The following CFAP299 variants were observed in gnomAD, a reference collection of about 807,000 sequenced individuals.
The protein encoded by CFAP299 is cilia- and flagella-associated protein 299.
CFAP299 carries 21 observed loss-of-function variants against 27.0 expected under a neutral mutation model. The ratio of observed to expected loss-of-function variants is 0.78; its 90% CI spans 0.55 to 1.12. The LOEUF is 1.12. CFAP299 is among the 50% of genes most tolerant of loss of function. The pLI is 0.00. For missense variants in CFAP299, 310 were observed against 276.6 expected (o/e 1.12, Z -0.86); for synonymous variants, 104 against 98.1 (o/e 1.06, Z -0.36).
intron 3 of CFAP299, among the ~76,000 whole-genome samples, chr4:80,684,391 GTAGCCGGGAC>G (rs1445436445): frequency 1.3e-5 from 2 of 152,016 alleles, no homozygotes; most frequent in African/African-American, 4.8e-5. Context: ...AGCCTCCTGA[GTAGCCGGGAC>G]TATAGGCGCC....
intron 2 of CFAP299, among the ~76,000 whole-genome samples, chr4:80,466,065 T>G (rs929615547): frequency 6.6e-6 from 1 of 152,246 alleles, no homozygotes; most frequent in African/African-American, 2.4e-5. Flanking sequence ...TTCTAGGTTT[T>G]CAGGCTCCTG....
intron 3 of CFAP299, among the ~76,000 whole-genome samples, chr4:80,763,378 C>G (rs913731712): frequency 6.6e-6 from 1 of 152,040 alleles, no homozygotes; most frequent in Non-Finnish European, 1.5e-5. Context: ...AATAAAATAC[C>G]TAGAAACACA....
At position 80,544,100 on chromosome 4, in the gene CFAP299, A is replaced by G. The variant is rs559188154; in HGVS notation, c.243-38993A>G. ...CCGACCAAGAATTTCATATTCTGCC[A>G]AACCAAACTTTATAAGCAAAGGAGA... On this transcript the variant is annotated intron_variant, in intron 2 of 5. Coordinates refer to ENST00000358105, the MANE Select transcript of CFAP299 (RefSeq NM_152770.3). 1.5e-4 allele frequency among the ~76,000 whole-genome samples: 23 copies of G among 152,332 alleles called. No homozygotes were observed. In the South Asian group the frequency reaches 4.6e-3, roughly 30 times the overall value.
intron 3 of CFAP299, among the ~76,000 whole-genome samples, chr4:80,740,208 A>G (rs1375693437): frequency 6.6e-6 from 1 of 152,134 alleles, no homozygotes; most frequent in African/African-American, 2.4e-5. Flanking sequence ...TATGGTGTTG[A>G]CACTTGTAAA....
intron 2 of CFAP299, among the ~76,000 whole-genome samples, chr4:80,400,139 A>G (rs1299705688): frequency 1.3e-5 from 2 of 152,148 alleles, no homozygotes; most frequent in African/African-American, 2.4e-5. Context: ...ATGCAATTAG[A>G]TATATAAAGT....
intron 3 of CFAP299, among the ~76,000 whole-genome samples, chr4:80,833,566 G>T: frequency 6.6e-6 from 1 of 152,096 alleles, no homozygotes; most frequent in Non-Finnish European, 1.5e-5. Flanking sequence ...GCTCTAAAAA[G>T]CTTAATAAGG....
intron 4 of CFAP299, among the ~76,000 whole-genome samples, chr4:80,923,066 A>G (rs1000450545): frequency 2.6e-5 from 4 of 151,982 alleles, no homozygotes; most frequent in Non-Finnish European, 5.9e-5. Context: ...GAACTGTAAA[A>G]TGTTTACATT....
intron 2 of CFAP299, among the ~76,000 whole-genome samples, chr4:80,514,713 C>T (rs1044229738): frequency 3.3e-5 from 5 of 151,966 alleles, no homozygotes; most frequent in African/African-American, 1.2e-4. Context: ...CTGGTTTTAC[C>T]TGCTCTTTGA....
intron 4 of CFAP299, among the ~76,000 whole-genome samples, chr4:80,902,811 T>G (rs1183268825): frequency 6.6e-6 from 1 of 151,878 alleles, no homozygotes; most frequent in Non-Finnish European, 1.5e-5. Context: ...GTTTTATAAC[T>G]GTTCCAATCA....
chr4:80,374,332 C>A (rs1724298136), intron 2 of CFAP299, among the ~76,000 whole-genome samples: 1 of 152,000 alleles, frequency 6.6e-6, no homozygotes, highest in Non-Finnish European at 1.5e-5. Context: ...CCTACCATGT[C>A]CCTATCTGTG....
intron 3 of CFAP299, among the ~76,000 whole-genome samples, chr4:80,596,977 A>G (rs934204141): frequency 6.6e-6 from 1 of 152,022 alleles, no homozygotes; most frequent in Non-Finnish European, 1.5e-5. Flanking sequence ...TTTACTTTTT[A>G]TGGACAATGG....
At chr4:80,882,410 G>T (rs1331916011) in intron 4 of CFAP299, among the ~76,000 whole-genome samples, 1 of 152,132 alleles carries the variant, frequency 6.6e-6, no homozygotes, top group Middle Eastern at 3.4e-3. Flanking sequence ...AGGCCGAGGC[G>T]GGCGGATTAC....
At chr4:80,831,341 T>A (rs547935352) in intron 3 of CFAP299, among the ~76,000 whole-genome samples, 1 of 152,254 alleles carries the variant, frequency 6.6e-6, no homozygotes, top group African/African-American at 2.4e-5. Flanking sequence ...ATTATCAGTG[T>A]TTTTCAGCCT....
intron 3 of CFAP299, among the ~76,000 whole-genome samples, chr4:80,756,395 A>G (rs1294984682): frequency 1.3e-5 from 2 of 152,140 alleles, no homozygotes; most frequent in Non-Finnish European, 2.9e-5. Flanking sequence ...TGAAACTGTC[A>G]TTCAACAAAT....
At chr4:80,420,781 C>A (rs762313067) in intron 2 of CFAP299, among the ~76,000 whole-genome samples, 38 of 152,068 alleles carry the variant, frequency 2.5e-4, no homozygotes, top group Non-Finnish European at 4.6e-4. Context: ...TTGTTCTGTT[C>A]TCAGTAAAAC....
At chr4:80,328,170 A>G in the CFAP299 span, among the ~76,000 whole-genome samples, 1 of 152,208 alleles carries the variant, frequency 6.6e-6, no homozygotes, top group African/African-American at 2.4e-5. Flanking sequence ...GATGATAAAT[A>G]TAGATTACTC....
At chr4:80,767,392 GAGGTC>G (rs922924342) in intron 3 of CFAP299, among the ~76,000 whole-genome samples, 2 of 152,012 alleles carry the variant, frequency 1.3e-5, no homozygotes, top group Non-Finnish European at 2.9e-5. Context: ...GGTGGATCAC[GAGGTC>G]AGGAGATCAA....
chr4:80,646,727 G>T (rs940826098), intron 3 of CFAP299, among the ~76,000 whole-genome samples: 8 of 151,970 alleles, frequency 5.3e-5, no homozygotes, highest in Admixed American at 4.6e-4. Context: ...TTGATAGTTT[G>T]TTCTTTCTAC....
chr4:80,614,305 T>A (rs1334546350), intron 3 of CFAP299, among the ~76,000 whole-genome samples: 3 of 152,192 alleles, frequency 2.0e-5, no homozygotes, highest in African/African-American at 7.2e-5. Context: ...TTCCTGAAAG[T>A]GTCCTAAGAG....
Sources: allele counts gnomAD v4.1 joint callset (sites outside exome capture counted in the v4.1 genomes callset), GRCh38; gene constraint gnomAD v4.1.1; transcripts MANE v1.5; gene names NCBI Gene and HGNC (gene_info 2026-07-23, HGNC 2026-07-21).